CNTN5: variants seen among roughly 807,000 people sequenced by gnomAD.
CNTN5 encodes contactin 5.
A neutral mutation model predicts 129.1 loss-of-function variants in CNTN5; 77 were observed. The observed-to-expected ratio is 0.60, with a 90% CI of 0.50 to 0.72. The LOEUF (loss-of-function observed/expected upper bound fraction) is 0.72, where lower values mean the gene tolerates loss of function less well. Among genes scored for constraint, CNTN5 ranks in the 30% least tolerant of loss-of-function variants. The pLI, the probability that CNTN5 is intolerant of heterozygous loss-of-function variation, is 0.00. For synonymous variants in CNTN5, 509 were observed against 465.6 expected, an observed-to-expected ratio of 1.09 and a Z score of -1.20; for missense variants, 1,478 against 1,328.8, an observed-to-expected ratio of 1.11 and a Z score of -1.75.
At chr11:100,327,281 A>G (rs945981253) in intron 21 of CNTN5, among the ~76,000 whole-genome samples, 14 of 152,168 alleles carry the variant, frequency 9.2e-5, no homozygotes, top group African/African-American at 3.4e-4. Flanking sequence ...CAACTACAAG[A>G]TCTGGCTCCA....
intron 8 of CNTN5, among the ~76,000 whole-genome samples, chr11:99,978,767 C>G (rs778606573): frequency 6.6e-6 from 1 of 152,134 alleles, no homozygotes; most frequent in Non-Finnish European, 1.5e-5. Flanking sequence ...CTAAGTGACG[C>G]ATGACTGCTT....
chr11:99,508,297 G>C (rs566770769), intron 2 of CNTN5, among the ~76,000 whole-genome samples: 2 of 152,010 alleles, frequency 1.3e-5, no homozygotes, highest in East Asian at 3.9e-4. Context: ...TATGTTAAGC[G>C]CCTGCCTTTC....
In CNTN5 at chr11:100,139,828, G is replaced by C. The variant is rs116142680; in HGVS notation, c.1581-51298G>C. 3.6e-3 allele frequency among the ~76,000 whole-genome samples: 540 copies of C among 152,064 alleles called. 3 individuals carry two copies. The highest frequency in any genetic ancestry group is 0.012 in the African/African-American group (513 of 41,486). On this transcript the variant is annotated intron_variant, in intron 13 of 24. Transcript: ENST00000524871. ...GCGGTGAGCTGAGATTAGCCTGGGT[G>C]ACAAGAGTGAGACTCTGTGTCCAAA...
At chr11:99,444,403 A>T (rs1436716974) in intron 2 of CNTN5, among the ~76,000 whole-genome samples, 1 of 152,234 alleles carries the variant, frequency 6.6e-6, no homozygotes, top group Non-Finnish European at 1.5e-5. Flanking sequence ...CAAATATCCT[A>T]GTTAAAAATG....
At chr11:100,211,314 A>G (rs1949025007) in intron 15 of CNTN5, among the ~76,000 whole-genome samples, 1 of 152,178 alleles carries the variant, frequency 6.6e-6, no homozygotes, top group African/African-American at 2.4e-5. Context: ...TAATAGCAGG[A>G]CAACATCGTA....
At chr11:99,561,900 T>C (rs1007091152) in intron 3 of CNTN5, among the ~76,000 whole-genome samples, 1 of 152,162 alleles carries the variant, frequency 6.6e-6, no homozygotes, top group Non-Finnish European at 1.5e-5. Context: ...GTGTTAGTGA[T>C]AATGCTCAGG....
chr11:100,121,728 A>G (rs563911511), intron 13 of CNTN5, among the ~76,000 whole-genome samples: 34 of 152,232 alleles, frequency 2.2e-4, no homozygotes, highest in African/African-American at 7.9e-4. Flanking sequence ...ATAATAGTGA[A>G]TAAAATAGAG....
intron 1 of CNTN5, among the ~76,000 whole-genome samples, chr11:99,241,230 C>A (rs1861533858): frequency 6.6e-6 from 1 of 151,416 alleles, no homozygotes; most frequent in South Asian, 2.1e-4. Context: ...CCTTCCAATA[C>A]TGTCCGTAAA....
intron 3 of CNTN5, among the ~76,000 whole-genome samples, chr11:99,687,057 G>C (rs988255173): frequency 6.6e-6 from 1 of 152,104 alleles, no homozygotes; most frequent in East Asian, 1.9e-4. Context: ...GTCAGTCTAC[G>C]TGAAGAGCTC....
At chr11:99,367,217 G>A (rs1392160789) in intron 2 of CNTN5, among the ~76,000 whole-genome samples, 1 of 152,098 alleles carries the variant, frequency 6.6e-6, no homozygotes, top group Non-Finnish European at 1.5e-5. Context: ...ACTCAACATA[G>A]GGGCTGCTGT....
At chr11:99,752,983 T>C (rs1249493809) in intron 3 of CNTN5, among the ~76,000 whole-genome samples, 2 of 152,170 alleles carry the variant, frequency 1.3e-5, no homozygotes, top group Admixed American at 6.5e-5. Flanking sequence ...ATTTGCTTTT[T>C]GACTATAACC....
In CNTN5 at chr11:100,032,593, T is replaced by C. The variant is rs577720769; in HGVS notation, c.981-28619T>C. On this transcript the variant is annotated intron_variant, in intron 9 of 24. Transcript: ENST00000524871. Reference sequence around the variant, plus strand: ...TTTTCTGGCCAGAATTTTATACCAGTGCACCAAAACATAATTCTTGTATGA... The same window carrying C: ...TTTTCTGGCCAGAATTTTATACCAGCGCACCAAAACATAATTCTTGTATGA... 5.3e-5 allele frequency among the ~76,000 whole-genome samples: 8 copies of C among 152,208 alleles called. No homozygotes were observed. In the East Asian group the frequency reaches 1.5e-3, roughly 29 times the overall value.
At chr11:99,127,356 T>C (rs1200179022) in intron 1 of CNTN5, among the ~76,000 whole-genome samples, 1 of 152,212 alleles carries the variant, frequency 6.6e-6, no homozygotes, top group African/African-American at 2.4e-5. Flanking sequence ...CATCTGTTAC[T>C]CCATACTATA....
chr11:99,611,011 T>TGAA (rs1950577970), intron 3 of CNTN5, among the ~76,000 whole-genome samples: 1 of 152,144 alleles, frequency 6.6e-6, no homozygotes, highest in South Asian at 2.1e-4. Context: ...TGAGCCTTCA[T>TGAA]GGTATTTTGC....
intron 9 of CNTN5, among the ~76,000 whole-genome samples, chr11:100,028,503 T>A (rs1941540821): frequency 1.3e-5 from 2 of 152,188 alleles, no homozygotes; most frequent in African/African-American, 2.4e-5. Flanking sequence ...CACCCTAGTT[T>A]TCTAGAGTAT....
At chr11:100,308,637 A>G in intron 21 of CNTN5, 169 bp downstream of exon 21, 1 of 1,320,846 alleles carries the variant, frequency 7.6e-7, no homozygotes, top group Non-Finnish European at 9.7e-7. Flanking sequence ...TATGTTGCTC[A>G]TTAACTGGTT....
intron 1 of CNTN5, among the ~76,000 whole-genome samples, chr11:99,196,673 A>G (rs1191681843): frequency 7.2e-5 from 11 of 152,042 alleles, no homozygotes; most frequent in Admixed American, 3.9e-4. Context: ...TGCCTCACAT[A>G]TCTATGTTTT....
chr11:99,692,067 G>C (rs1189116829), intron 3 of CNTN5, among the ~76,000 whole-genome samples: 1 of 152,036 alleles, frequency 6.6e-6, no homozygotes, highest in African/African-American at 2.4e-5. Context: ...TGCAACCCCT[G>C]CTTTTTTAGG....
chr11:100,211,242 T>G (rs1949023672), intron 15 of CNTN5, among the ~76,000 whole-genome samples: 1 of 152,098 alleles, frequency 6.6e-6, no homozygotes, highest in African/African-American at 2.4e-5. Flanking sequence ...CTTTTGAGGT[T>G]TTGGAACTCA....
Sources: allele counts gnomAD v4.1 joint callset (sites outside exome capture counted in the v4.1 genomes callset), GRCh38; gene constraint gnomAD v4.1.1; transcripts MANE v1.5; gene names NCBI Gene and HGNC (gene_info 2026-07-23, HGNC 2026-07-21).